Variants in CNTN5 observed in about 807,000 individuals in gnomAD.
CNTN5 encodes contactin-5.
In CNTN5, 77 loss-of-function variants were observed where a neutral mutation model predicts 129.1. That is an observed-to-expected ratio of 0.60 (90% CI 0.50 to 0.72). The LOEUF is 0.72. Ranked by LOEUF, CNTN5 falls within the 30% of genes least tolerant of loss-of-function variation. CNTN5 has a pLI of 0.00. For missense variants in CNTN5, 1,478 were observed against 1,328.8 expected, an observed-to-expected ratio of 1.11 and a Z score of -1.75; for synonymous variants, 509 against 465.6, an observed-to-expected ratio of 1.09 and a Z score of -1.20.
At chr11:99,627,219 C>G (rs1220755911) in intron 3 of CNTN5, among the ~76,000 whole-genome samples, 2 of 152,116 alleles carry the variant, frequency 1.3e-5, no homozygotes, top group African/African-American at 4.8e-5. Flanking sequence ...ATTCTAGCAG[C>G]TATATCCCTC....
intron 3 of CNTN5, among the ~76,000 whole-genome samples, chr11:99,694,178 T>A (rs1954160298): frequency 6.6e-6 from 1 of 151,380 alleles, no homozygotes; most frequent in Admixed American, 6.6e-5. Flanking sequence ...CTGAAGCCAA[T>A]ACGGCTCATG....
intron 3 of CNTN5, among the ~76,000 whole-genome samples, chr11:99,804,355 A>G (rs978755060): frequency 6.6e-6 from 1 of 152,060 alleles, no homozygotes; most frequent in Non-Finnish European, 1.5e-5. Flanking sequence ...GTTAACAAAA[A>G]CATAATGTGA....
chr11:99,172,774 G>A (rs1861205663), intron 1 of CNTN5, among the ~76,000 whole-genome samples: 1 of 152,180 alleles, frequency 6.6e-6, no homozygotes, highest in Admixed American at 6.5e-5. Context: ...AATTAGAAGT[G>A]ACACTTGAGC....
intron 13 of CNTN5, among the ~76,000 whole-genome samples, chr11:100,096,425 T>C (rs1215301401): frequency 6.6e-6 from 1 of 152,082 alleles, no homozygotes; most frequent in African/African-American, 2.4e-5. Flanking sequence ...TATTCTGGGA[T>C]AGTCCGTCTA....
chr11:100,254,092 T>A (rs1247904959), intron 16 of CNTN5, among the ~76,000 whole-genome samples: 1 of 152,180 alleles, frequency 6.6e-6, no homozygotes, highest in Non-Finnish European at 1.5e-5. Context: ...GAATGGACCC[T>A]ACTGACTGCT....
At chr11:99,463,443 G>GAAAAAA (rs66933434) in intron 2 of CNTN5, among the ~76,000 whole-genome samples, 14 of 126,888 alleles carry the variant, frequency 1.1e-4, no homozygotes, top group Non-Finnish European at 1.7e-4. Context: ...GTCTCAAAAA[G>GAAAAAA]AAAAAAAAAA....
At chr11:99,990,659 C>T (rs1204275565) in intron 8 of CNTN5, among the ~76,000 whole-genome samples, 2 of 151,934 alleles carry the variant, frequency 1.3e-5, no homozygotes, top group African/African-American at 4.8e-5. Context: ...CCTTAAGAAA[C>T]TATGATTCAG....
rs1948478635 is a variant in CNTN5 at position 100,191,212 on chromosome 11, T to C, written c.1667T>C (p.Val556Ala). The C allele has an allele frequency of 6.2e-7, 1 of 1,612,736 alleles. No individual in the cohort carries two copies. The highest frequency in any genetic ancestry group is 2.2e-5 in the East Asian group (1 of 44,772). Reference protein sequence around the residue: ...EGKYVCRGENVFGSAEIIASL... With the variant: ...EGKYVCRGENAFGSAEIIASL... ...AAGTACGTTTGCCGAGGGGAAAACG[T>C]CTTTGGTTCTGCTGAAATTATAGCT... The change falls in exon 14 of 25, where the codon GTC becomes GCC. Residue 556 changes from valine to alanine, a missense_variant. Transcript: ENST00000524871.
intron 3 of CNTN5, among the ~76,000 whole-genome samples, chr11:99,712,753 T>A (rs1281885117): frequency 2.0e-4 from 30 of 152,220 alleles, no homozygotes. Flanking sequence ...CCCTATTGCT[T>A]GTTTTTGTCA....
chr11:99,845,302 G>GAAAAATCA, intron 6 of CNTN5, 40 bp downstream of exon 6: 1 of 1,183,666 alleles, frequency 8.4e-7, no homozygotes, highest in Non-Finnish European at 1.2e-6. Context: ...TATGTATATA[G>GAAAAATCA]TGTGTATATA....
At chr11:99,668,624 C>T (rs926058233) in intron 3 of CNTN5, among the ~76,000 whole-genome samples, 15 of 152,090 alleles carry the variant, frequency 9.9e-5, no homozygotes, top group Non-Finnish European at 1.8e-4. Flanking sequence ...TACTCTCAGA[C>T]GGTTTTCATA....
At chr11:99,105,439 C>T (rs1866950214) in intron 1 of CNTN5, among the ~76,000 whole-genome samples, 1 of 152,134 alleles carries the variant, frequency 6.6e-6, no homozygotes, top group African/African-American at 2.4e-5. Context: ...GTTAATATTA[C>T]TGTGTTTTAT....
intron 6 of CNTN5, among the ~76,000 whole-genome samples, chr11:99,883,285 C>A (rs563419212): frequency 2.0e-5 from 3 of 152,218 alleles, no homozygotes; most frequent in South Asian, 2.1e-4. Flanking sequence ...TTTTGAGGAA[C>A]CTCCAAACTG....
At chr11:100,314,168 G>C (rs1431004789) in intron 21 of CNTN5, among the ~76,000 whole-genome samples, 1 of 152,116 alleles carries the variant, frequency 6.6e-6, no homozygotes, top group African/African-American at 2.4e-5. Context: ...CCTGTATTTT[G>C]TCAGGACACC....
At chr11:99,030,241 T>G (rs1486610652) in intron 1 of CNTN5, among the ~76,000 whole-genome samples, 1 of 152,208 alleles carries the variant, frequency 6.6e-6, no homozygotes. Context: ...GAATCAAAAT[T>G]ACTTCCTTCA....
chr11:99,138,838 T>C (rs1213743324), intron 1 of CNTN5, among the ~76,000 whole-genome samples: 1 of 152,150 alleles, frequency 6.6e-6, no homozygotes, highest in East Asian at 1.9e-4. Context: ...TCAGAAAACA[T>C]AAATGAAGCT....
At chr11:100,208,211 C>T (rs545843592) in intron 15 of CNTN5, among the ~76,000 whole-genome samples, 8 of 152,154 alleles carry the variant, frequency 5.3e-5, no homozygotes, top group African/African-American at 1.9e-4. Context: ...CAAAATAAAC[C>T]TTGCAAAAAC....
chr11:100,040,318 G>C (rs185450827), intron 9 of CNTN5, among the ~76,000 whole-genome samples: 1 of 152,136 alleles, frequency 6.6e-6, no homozygotes, highest in Non-Finnish European at 1.5e-5. Flanking sequence ...CTGCCTGATC[G>C]TTCCTCTGGA....
intron 9 of CNTN5, among the ~76,000 whole-genome samples, chr11:100,048,306 TC>T (rs35938290): frequency 0.55 from 83,258 of 151,718 alleles, 23,624 homozygotes; most frequent in East Asian, 0.75. Context: ...CATCCTCAGA[TC>T]CCCCAGGTTC....
Sources: gnomAD v4.1 joint callset for allele counts (sites outside exome capture counted in the v4.1 genomes callset) on GRCh38, gnomAD v4.1.1 for gene constraint, MANE v1.5 for transcripts, NCBI Gene and HGNC (gene_info 2026-07-23, HGNC 2026-07-21) for gene names.